The following MYO3B variants were observed in gnomAD, a reference collection of about 807,000 sequenced individuals.
The protein encoded by MYO3B is myosin-IIIb.
Under a neutral mutation model 174.6 loss-of-function variants are expected in MYO3B, and 156 were observed. That is an observed-to-expected ratio of 0.89 (90% CI 0.78 to 1.02). The LOEUF is 1.02. Among genes scored for constraint, MYO3B ranks in the 50% least tolerant of loss-of-function variants. The pLI is 0.00. For missense variants in MYO3B, 1,632 were observed against 1,639.4 expected (o/e 1.00, Z 0.08); for synonymous variants, 563 against 569.1 (o/e 0.99, Z 0.15).
At chr2:170,465,287 C>T (rs895162867) in intron 24 of MYO3B, among the ~76,000 whole-genome samples, 42 of 152,118 alleles carry the variant, frequency 2.8e-4, no homozygotes, top group African/African-American at 1.0e-3. Flanking sequence ...AGCTTTTACT[C>T]ATAGAGCAGG....
chr2:170,474,743 C>CAAAAAAAAAAAAAAAAAAAA lies in MYO3B; in HGVS notation c.3014+8054_3014+8073dup, dbSNP rs55913448. On this transcript the variant is annotated intron_variant, in intron 25 of 34. Coordinates refer to ENST00000408978, the MANE Select transcript of MYO3B (RefSeq NM_138995.5). ...GGGTGACAAGAGTGAAACTCCGTCT[C>CAAAAAAAAAAAAAAAAAAAA]AAAAAAAAAAAAAAAAAAAAAAAAA... Among the ~76,000 whole-genome samples the CAAAAAAAAAAAAAAAAAAAA allele has an allele frequency of 1.1e-4, 4 of 37,590 alleles. 2 individuals carry two copies. Among genetic ancestry groups the CAAAAAAAAAAAAAAAAAAAA allele is most frequent in the Admixed American group, 8.8e-4 (2 of 2,278 alleles). 24.7% of individuals were successfully genotyped at this position (37,590 alleles called of 152,430 possible).
chr2:170,250,139 A>C (rs2093235472), intron 7 of MYO3B, among the ~76,000 whole-genome samples: 1 of 152,248 alleles, frequency 6.6e-6, no homozygotes, highest in South Asian at 2.1e-4. Context: ...TTATGCATGA[A>C]GTTATTAGCA....
At chr2:170,265,284 A>G (rs2093374871) in intron 7 of MYO3B, among the ~76,000 whole-genome samples, 1 of 152,206 alleles carries the variant, frequency 6.6e-6, no homozygotes, top group African/African-American at 2.4e-5. Flanking sequence ...TAGCTTATAA[A>G]TTACATAGCT....
At chr2:170,448,917 A>G (rs1355297476) in intron 23 of MYO3B, among the ~76,000 whole-genome samples, 1 of 152,184 alleles carries the variant, frequency 6.6e-6, no homozygotes, top group Admixed American at 6.5e-5. Flanking sequence ...GATTATTTGC[A>G]TAAAGTCCAG....
intron 5 of MYO3B, among the ~76,000 whole-genome samples, chr2:170,217,077 T>C (rs1265729769): frequency 1.3e-5 from 2 of 152,174 alleles, no homozygotes; most frequent in Admixed American, 6.5e-5. Context: ...GTGAAAATTA[T>C]ATGAAATTCA....
chr2:170,402,937 ACATCG>A lies in MYO3B; in HGVS notation c.2221_2225del (p.Ile741GlnfsTer2). On this transcript the variant is annotated frameshift_variant, in exon 19 of 35. Transcript: ENST00000408978. LOFTEE classifies it high-confidence loss of function. ...AATTCATTTGAGCAGCTCTGCATAA[ACATCG>A]CCAATGAGCAAATCCAGTACTATTT... 1 of 1,611,212 alleles carries A rather than the reference ACATCG, an allele frequency of 6.2e-7. No individual in the cohort carries two copies. Among genetic ancestry groups the A allele is most frequent in the Non-Finnish European group, 8.5e-7 (1 of 1,177,820 alleles).
chr2:170,465,214 C>T (rs187452449), intron 24 of MYO3B, among the ~76,000 whole-genome samples: 12 of 152,182 alleles, frequency 7.9e-5, no homozygotes, highest in Admixed American at 3.3e-4. Context: ...TATTGGCTCA[C>T]GGTTCTGCAG....
At chr2:170,621,859 TTGGA>T (rs1160080481) in intron 32 of MYO3B, among the ~76,000 whole-genome samples, 2 of 152,204 alleles carry the variant, frequency 1.3e-5, no homozygotes, top group East Asian at 3.9e-4. Flanking sequence ...TGTACCTGTT[TTGGA>T]GCACATGTCA....
intron 32 of MYO3B, among the ~76,000 whole-genome samples, chr2:170,628,550 C>T (rs139525893): frequency 0.011 from 1,623 of 152,290 alleles, 14 homozygotes; most frequent in African/African-American, 0.014. Flanking sequence ...CTGCACCCAC[C>T]GTCCGACAAG....
intron 25 of MYO3B, among the ~76,000 whole-genome samples, chr2:170,489,332 C>T (rs1393788263): frequency 6.6e-6 from 1 of 152,112 alleles, no homozygotes; most frequent in Admixed American, 6.5e-5. Context: ...AGTTTTGACG[C>T]AGGGCAGGGA....
chr2:170,463,350 C>T lies in MYO3B; in HGVS notation c.2731-18C>T, dbSNP rs561061911. The stretch of plus-strand genomic sequence containing the variant: ...GTGCCTAGATCCTCAAACCACTTGC[C>T]TCCACCTATGCTTCCAGGTGGACAC... On this transcript the variant is annotated intron_variant, in intron 23 of 34. Coordinates refer to ENST00000408978, the MANE Select transcript of MYO3B (RefSeq NM_138995.5). The T allele has an allele frequency of 5.7e-5, 92 of 1,610,700 alleles. No homozygotes were observed. The highest frequency in any genetic ancestry group is 7.6e-5 in the Non-Finnish European group (89 of 1,178,092).
chr2:170,428,277 A>G (rs1280091827), intron 22 of MYO3B, among the ~76,000 whole-genome samples: 1 of 152,220 alleles, frequency 6.6e-6, no homozygotes, highest in Non-Finnish European at 1.5e-5. Context: ...TCCTCCATTT[A>G]TCTAAGCGAG....
chr2:170,627,153 G>A (rs2105361228), intron 32 of MYO3B, among the ~76,000 whole-genome samples: 1 of 152,274 alleles, frequency 6.6e-6, no homozygotes, highest in East Asian at 1.9e-4. Flanking sequence ...GGGTTTTCCA[G>A]CTTGGTTCCA....
chr2:170,318,949 T>C (rs2093795668), intron 7 of MYO3B, among the ~76,000 whole-genome samples: 1 of 152,186 alleles, frequency 6.6e-6, no homozygotes, highest in Non-Finnish European at 1.5e-5. Context: ...ATAGTGGAAC[T>C]TGAGAAGAAA....
intron 29 of MYO3B, among the ~76,000 whole-genome samples, chr2:170,515,426 C>CCA (rs1408496558): frequency 2.0e-5 from 3 of 152,034 alleles, no homozygotes; most frequent in Admixed American, 2.0e-4. Flanking sequence ...TGATCCAGAA[C>CCA]CTGGTATATA....
intron 7 of MYO3B, among the ~76,000 whole-genome samples, chr2:170,254,389 C>G (rs2093285056): frequency 6.6e-6 from 1 of 152,162 alleles, no homozygotes; most frequent in Admixed American, 6.5e-5. Context: ...CCCTCACTGA[C>G]TGCCAACCTG....
chr2:170,391,379 G>GT, intron 14 of MYO3B, 141 bp from the exon 15 acceptor site: 1 of 536,874 alleles, frequency 1.9e-6, no homozygotes, highest in Admixed American at 3.9e-5. Flanking sequence ...TCACTATTCT[G>GT]TAAGTGGGAT....
intron 11 of MYO3B, 80 bp downstream of exon 11, chr2:170,383,269 A>G: frequency 2.2e-6 from 2 of 889,798 alleles, no homozygotes; most frequent in Non-Finnish European, 3.7e-6. Context: ...AAGAAAAAGT[A>G]AGAATAAAAT....
intron 7 of MYO3B, among the ~76,000 whole-genome samples, chr2:170,318,680 C>G (rs145058739): frequency 6.6e-6 from 1 of 152,074 alleles, no homozygotes; most frequent in Non-Finnish European, 1.5e-5. Flanking sequence ...GCAGGAGGTA[C>G]CTCTATGCAG....
Sources: gnomAD v4.1 joint callset for allele counts (sites outside exome capture counted in the v4.1 genomes callset) on GRCh38, gnomAD v4.1.1 for gene constraint, MANE v1.5 for transcripts, NCBI Gene and HGNC (gene_info 2026-07-23, HGNC 2026-07-21) for gene names.